The following HECW2 variants were observed in gnomAD, a reference collection of about 807,000 sequenced individuals.
HECW2 encodes the protein HECT, C2 and WW domain containing E3 ubiquitin protein ligase 2.
Under a neutral mutation model 175.2 loss-of-function variants are expected in HECW2, and 61 were observed. That is an observed-to-expected ratio of 0.35 (90% CI 0.28 to 0.43). The LOEUF is 0.43. Ranked by LOEUF, HECW2 falls within the 20% of genes least tolerant of loss-of-function variation. The pLI is 1.00. For synonymous variants in HECW2, 671 were observed against 731.0 expected (o/e 0.92, Z 1.32); for missense variants, 1,524 against 2,000.5 (o/e 0.76, Z 4.54).
At chr2:196,552,322 C>T (rs142656011) in intron 1 of HECW2, among the ~76,000 whole-genome samples, 3 of 152,146 alleles carry the variant, frequency 2.0e-5, no homozygotes, top group African/African-American at 7.2e-5. Flanking sequence ...AACAAAGTGA[C>T]CCTTAGGCCC....
intron 24 of HECW2, among the ~76,000 whole-genome samples, chr2:196,221,597 T>TC (rs1226810293): frequency 6.6e-6 from 1 of 152,132 alleles, no homozygotes; most frequent in African/African-American, 2.4e-5. Flanking sequence ...CTCACTCTCG[T>TC]CCCCCAGGCT....
Position 196,331,332 on chromosome 2 carries a change from G to A in HECW2, c.496-1682C>T, listed in dbSNP as rs1299751049. 12 of 968,530 alleles carry A rather than the reference G, an allele frequency of 1.2e-5. No homozygotes were observed. In the Admixed American group the frequency reaches 7.4e-4, roughly 60 times the overall value. The allele number at this position is 968,530 out of a possible 1,614,324, so 60.0% of individuals were successfully genotyped here. On this transcript the variant is annotated intron_variant, in intron 4 of 28. Coordinates refer to ENST00000644978, the MANE Select transcript of HECW2 (RefSeq NM_001348768.2). ...CAGAGGCAGCAGTACACTGGCCAGA[G>A]AACTAACTGCTGTGGCTATCTCATC...
At chr2:196,253,845 CT>C in intron 19 of HECW2, 74 bp downstream of exon 19, 1 of 1,377,768 alleles carries the variant, frequency 7.3e-7, no homozygotes, top group Non-Finnish European at 1.0e-6. Flanking sequence ...ACTGTTCTGT[CT>C]TTAGGGAGGA....
intron 1 of HECW2, among the ~76,000 whole-genome samples, chr2:196,520,890 ATTAT>A (rs928051677): frequency 2.0e-5 from 3 of 152,202 alleles, no homozygotes; most frequent in African/African-American, 7.2e-5. Flanking sequence ...AAGACATAAA[ATTAT>A]TTATAAGGTC....
intron 2 of HECW2, among the ~76,000 whole-genome samples, chr2:196,352,344 G>A (rs1693199977): frequency 6.6e-6 from 1 of 152,068 alleles, no homozygotes; most frequent in Non-Finnish European, 1.5e-5. Context: ...GCACATTACT[G>A]GGTAGAAAAA....
chr2:196,266,802 T>C (rs189594314), intron 17 of HECW2, among the ~76,000 whole-genome samples: 13 of 152,328 alleles, frequency 8.5e-5, no homozygotes, highest in Admixed American at 2.0e-4. Flanking sequence ...AAATGGGCCA[T>C]TATTTTTAAA....
intron 1 of HECW2, among the ~76,000 whole-genome samples, chr2:196,539,949 T>C (rs909616690): frequency 1.3e-5 from 2 of 152,226 alleles, no homozygotes; most frequent in Non-Finnish European, 2.9e-5. Flanking sequence ...GTTTTTCCCA[T>C]GTAAAAAGGT....
chr2:196,280,459 T>G (rs1690144655), intron 14 of HECW2, among the ~76,000 whole-genome samples: 1 of 152,208 alleles, frequency 6.6e-6, no homozygotes, highest in Non-Finnish European at 1.5e-5. Flanking sequence ...TTTTACATCT[T>G]TATAAAGAAA....
chr2:196,589,852 T>A (rs1213069464), intron 1 of HECW2, among the ~76,000 whole-genome samples: 2 of 152,226 alleles, frequency 1.3e-5, no homozygotes, highest in Non-Finnish European at 2.9e-5. Context: ...TGTTAATTCA[T>A]ATTGTGCTTG....
At chr2:196,302,897 C>T (rs148437648) in intron 13 of HECW2, among the ~76,000 whole-genome samples, 214 of 152,288 alleles carry the variant, frequency 1.4e-3, no homozygotes, top group African/African-American at 4.7e-3. Flanking sequence ...TAGCTGAATA[C>T]CTTTTATTTC....
rs183157115 is a variant in HECW2 at position 196,312,248 on chromosome 2, G to C, written c.2435-4163C>G. The stretch of plus-strand genomic sequence containing the variant: ...GAATTACAACGTATCAGGGATGGGT[G>C]GGGGGGTGCTATGGGTAGGGTTTTG... On this transcript the variant is annotated intron_variant, in intron 10 of 28. Transcript: ENST00000644978. Among the ~76,000 whole-genome samples, 8 of 141,566 alleles carry C rather than the reference G, an allele frequency of 5.7e-5. No individual in the cohort carries two copies. In the East Asian group the frequency reaches 6.1e-4, roughly 11 times the overall value. The allele number at this position is 141,566 out of a possible 152,430, so 92.9% of individuals were successfully genotyped here.
intron 22 of HECW2, among the ~76,000 whole-genome samples, chr2:196,226,637 G>C (rs756205487): frequency 6.6e-5 from 10 of 152,170 alleles, no homozygotes; most frequent in Non-Finnish European, 1.0e-4. Context: ...GAGACCTCTG[G>C]AGGTGGGGAA....
At chr2:196,416,183 A>G (rs549242337) in intron 2 of HECW2, among the ~76,000 whole-genome samples, 20 of 152,342 alleles carry the variant, frequency 1.3e-4, no homozygotes, top group African/African-American at 4.8e-4. Flanking sequence ...AGAAAGATGA[A>G]TAAGTTTTAA....
At chr2:196,254,343 CCAACA>C (rs1163789184) in intron 18 of HECW2, among the ~76,000 whole-genome samples, 1 of 152,074 alleles carries the variant, frequency 6.6e-6, no homozygotes, top group African/African-American at 2.4e-5. Flanking sequence ...AAACAGGATT[CCAACA>C]CAAAATAGAA....
intron 1 of HECW2, among the ~76,000 whole-genome samples, chr2:196,476,442 CAA>C (rs763469865): frequency 1.7e-4 from 13 of 77,310 alleles, no homozygotes; most frequent in Admixed American, 3.0e-4. Flanking sequence ...GACTCCATCT[CAA>C]AAAAAAAAAA....
chr2:196,261,840 T>C (rs943452652), intron 17 of HECW2, among the ~76,000 whole-genome samples: 2 of 152,236 alleles, frequency 1.3e-5, no homozygotes, highest in Non-Finnish European at 2.9e-5. Context: ...GTCAACATTA[T>C]AGGTCCGCAA....
intron 25 of HECW2, among the ~76,000 whole-genome samples, chr2:196,220,511 T>C (rs1559444037): frequency 6.6e-6 from 1 of 152,214 alleles, no homozygotes; most frequent in Non-Finnish European, 1.5e-5. Context: ...TGATTACCCA[T>C]ATCTAAGCAT....
chr2:196,229,908 A>G (rs1575258120), intron 21 of HECW2, among the ~76,000 whole-genome samples: 1 of 152,356 alleles, frequency 6.6e-6, no homozygotes, highest in East Asian at 1.9e-4. Flanking sequence ...ATGTACCTTA[A>G]AATGAATACA....
intron 3 of HECW2, among the ~76,000 whole-genome samples, chr2:196,334,781 T>C (rs1302628500): frequency 1.3e-5 from 2 of 152,206 alleles, no homozygotes; most frequent in Admixed American, 6.5e-5. Context: ...GCGATAAGAA[T>C]GGGACTAGCT....
Sources: gnomAD v4.1 joint callset for allele counts (sites outside exome capture counted in the v4.1 genomes callset) on GRCh38, gnomAD v4.1.1 for gene constraint, MANE v1.5 for transcripts, NCBI Gene and HGNC (gene_info 2026-07-23, HGNC 2026-07-21) for gene names.